Variants in SPAG9 observed in about 807,000 individuals in gnomAD.
SPAG9 encodes sperm associated antigen 9.
A neutral mutation model predicts 166.5 loss-of-function variants in SPAG9; 35 were observed. The observed-to-expected ratio is 0.21, with a 90% confidence interval of 0.16 to 0.28. SPAG9 has a LOEUF of 0.28. Ranked by LOEUF, SPAG9 falls within the 10% of genes least tolerant of loss-of-function variation. The pLI is 1.00. For synonymous variants in SPAG9, 534 were observed against 565.5 expected (o/e 0.94, Z 0.79); for missense variants, 1,235 against 1,603.3 (o/e 0.77, Z 3.92).
rs375400352 is a variant in SPAG9 at position 50,990,492 on chromosome 17, G to T, written c.2575C>A (p.Pro859Thr). ...AEGVTGAATS[P>T]STNGASPVMD... The stretch of plus-strand genomic sequence containing the variant: ...ACTGGAGAAGCACCATTTGTACTAG[G>T]GGAAGTGGCAGCTCCCGTCACACCT... The change falls in exon 20 of 30, where the codon CCT (proline) becomes ACT (threonine). Residue 859 changes from proline (P) to threonine (T), a missense_variant. Pro to Thr is a conservative substitution (Grantham distance 38). This residue lies in a region of SPAG9 where 493 missense variants were observed against 559.4 expected (regional missense o/e 0.88). Coordinates refer to ENST00000262013, the MANE Select transcript of SPAG9 (RefSeq NM_001130528.3). 6.2e-7 allele frequency: 1 copy of T among 1,614,166 alleles called. No homozygotes were observed. The highest frequency in any genetic ancestry group is 1.3e-5 in the African/African-American group (1 of 75,046).
intron 19 of SPAG9, among the ~76,000 whole-genome samples, chr17:50,992,480 G>C (rs895332540): frequency 5.3e-5 from 8 of 152,068 alleles, no homozygotes; most frequent in Admixed American, 2.6e-4. Context: ...AGACCAGCCT[G>C]GGCAACATGG....
intron 28 of SPAG9, among the ~76,000 whole-genome samples, chr17:50,972,940 A>G (rs1973936952): frequency 6.6e-6 from 1 of 152,228 alleles, no homozygotes; most frequent in Admixed American, 6.5e-5. Flanking sequence ...ATTTATACCC[A>G]ACAAAAAATC....
intron 8 of SPAG9, among the ~76,000 whole-genome samples, chr17:51,015,317 T>A (rs923062403): frequency 1.3e-5 from 2 of 151,790 alleles, no homozygotes; most frequent in Non-Finnish European, 2.9e-5. Flanking sequence ...GGGAGGAACA[T>A]GAAACAGAAG....
At position 51,001,719 on chromosome 17, in the gene SPAG9, T is replaced by C; in HGVS notation, c.1603A>G (p.Ile535Val). 6.2e-7 allele frequency: 1 copy of C among 1,604,010 alleles called. No homozygotes were observed. The highest frequency in any genetic ancestry group is 1.1e-5 in the South Asian group (1 of 88,764). Residue 535 changes from isoleucine (I) to valine (V), a missense_variant, in exon 13 of 30, where the codon ATT becomes GTT. Transcript: ENST00000262013. ...LQEAVRWTEM[I>V]RASRENPAMQ... is the part of the protein sequence containing the mutation. ...TGGAGCGCTTGTCATACAAACCGAA[T>C]CATCTCTGTCCATCGAACAGCTTCC...
At chr17:51,004,708 T>C (rs985863895) in intron 12 of SPAG9, among the ~76,000 whole-genome samples, 2 of 152,046 alleles carry the variant, frequency 1.3e-5, no homozygotes, top group South Asian at 2.1e-4. Flanking sequence ...CCAGCCTCGG[T>C]GACAGACTGA....
intron 19 of SPAG9, among the ~76,000 whole-genome samples, chr17:50,993,334 A>AG (rs1567973103): frequency 6.0e-5 from 9 of 151,176 alleles, no homozygotes. Flanking sequence ...AAAAAAAAAA[A>AG]AAGTAGAACT....
chr17:50,977,364 A>C, intron 26 of SPAG9, 143 bp from the exon 27 acceptor site: 1 of 632,776 alleles, frequency 1.6e-6, no homozygotes. Flanking sequence ...ACACAGAGGA[A>C]ATGTGACTAG....
intron 9 of SPAG9, among the ~76,000 whole-genome samples, chr17:51,012,876 C>A (rs1169798724): frequency 6.6e-6 from 1 of 151,534 alleles, no homozygotes; most frequent in Non-Finnish European, 1.5e-5. Flanking sequence ...GCCTCCCAAG[C>A]AGCTGAACTA....
rs200392575 is a variant in SPAG9 at position 50,989,800 on chromosome 17, C to T, written c.2690G>A (p.Gly897Glu). Reference sequence around the variant, plus strand: ...TGTGTCTTCAGCTGACCCCGCATTCCCTTCTGTAGCTTCAGTTGCTTCTTC... The same window carrying T: ...TGTGTCTTCAGCTGACCCCGCATTCTCTTCTGTAGCTTCAGTTGCTTCTTC... ...TAEEATEATE[G>E]NAGSAEDTVD... Residue 897 changes from glycine (G) to glutamate (E), a missense_variant, in exon 21 of 30, where the codon GGG becomes GAG. Physicochemically the swap from Gly to Glu is moderately conservative, Grantham distance 98. Transcript: ENST00000262013. 5.6e-5 allele frequency: 91 copies of T among 1,614,020 alleles called. No individual in the cohort carries two copies. The highest frequency in any genetic ancestry group is 1.5e-4 in the Admixed American group (9 of 60,002).
chr17:50,999,827 C>A, intron 13 of SPAG9, 110 bp from the exon 14 acceptor site: 1 of 760,208 alleles, frequency 1.3e-6, no homozygotes, highest in South Asian at 1.6e-5. Flanking sequence ...GGGGAGTCAA[C>A]AATTAAGTTC....
At chr17:50,987,896 C>T (rs1975184943) in intron 21 of SPAG9, among the ~76,000 whole-genome samples, 1 of 152,188 alleles carries the variant, frequency 6.6e-6, no homozygotes, top group Admixed American at 6.6e-5. Context: ...ACCAGGCTAT[C>T]AAATTCAAAC....
chr17:51,028,080 ATTT>A (rs375673920), intron 6 of SPAG9, among the ~76,000 whole-genome samples: 3 of 150,900 alleles, frequency 2.0e-5, no homozygotes, highest in Non-Finnish European at 4.4e-5. Context: ...AAAAAAAAAA[ATTT>A]TTTTTAAATA....
intron 25 of SPAG9, among the ~76,000 whole-genome samples, chr17:50,981,683 C>A (rs1179364005): frequency 2.7e-5 from 4 of 150,922 alleles, no homozygotes; most frequent in Non-Finnish European, 4.4e-5. Flanking sequence ...TTTTTGTCCC[C>A]CTAAACAATT....
chr17:50,996,527 C>T (rs761971257), intron 16 of SPAG9, 38 bp downstream of exon 16: 1 of 1,613,108 alleles, frequency 6.2e-7, no homozygotes. Context: ...TTGCCCTCTT[C>T]TTTCCTGCTG....
intron 1 of SPAG9, among the ~76,000 whole-genome samples, chr17:51,113,242 A>G (rs1432541799): frequency 6.6e-6 from 1 of 151,190 alleles, no homozygotes; most frequent in African/African-American, 2.4e-5. Flanking sequence ...AATCCCAGCT[A>G]CTCAGGAGGC....
chr17:51,074,255 A>G (rs1598131057), intron 2 of SPAG9, among the ~76,000 whole-genome samples: 2 of 150,808 alleles, frequency 1.3e-5, no homozygotes, highest in East Asian at 3.9e-4. Flanking sequence ...AAAACAAAAC[A>G]AAACAAAAAA....
At chr17:51,054,500 G>C (rs2047305411) in intron 3 of SPAG9, among the ~76,000 whole-genome samples, 1 of 151,210 alleles carries the variant, frequency 6.6e-6, no homozygotes, top group Non-Finnish European at 1.5e-5. Context: ...GCAGTGGCGT[G>C]ATCTCGGCTC....
At position 50,965,256 on chromosome 17, in the gene SPAG9, C is replaced by T. The variant is rs555258194; in HGVS notation, c.*1016G>A. The T allele has an allele frequency of 1.3e-5, 2 of 152,134 alleles. No individual in the cohort carries two copies. The highest frequency in any genetic ancestry group is 2.1e-4 in the South Asian group (1 of 4,834). 9.4% of individuals were successfully genotyped at this position (152,134 alleles called of 1,614,324 possible). On this transcript the variant is annotated 3_prime_UTR_variant, in exon 30 of 30. Coordinates refer to ENST00000262013, the MANE Select transcript of SPAG9 (RefSeq NM_001130528.3). The stretch of plus-strand genomic sequence containing the variant: ...TATATAGCTGTTCTGCAGTTTGATA[C>T]AGAACAAAAGAAAATAACTTTTCTA...
chr17:50,990,760 T>G lies in SPAG9; in HGVS notation c.2399-92A>C. ...AATTACAGGTTTGAAATGAGAGTTA[T>G]GCAGGTGAGATGTACAGGTAGTTGA... On this transcript the variant is annotated intron_variant, in intron 19 of 29. Coordinates refer to ENST00000262013, the MANE Select transcript of SPAG9 (RefSeq NM_001130528.3). 3 of 978,190 alleles carry G rather than the reference T, an allele frequency of 3.1e-6. No individual in the cohort carries two copies. In the South Asian group the frequency reaches 4.5e-5, roughly 15 times the overall value. 60.6% of individuals were successfully genotyped at this position (978,190 alleles called of 1,614,324 possible). A position where few individuals can be genotyped will look rare whatever the true frequency, so the allele number is the denominator to read the frequency against.
Sources: gnomAD v4.1 joint callset for allele counts (sites outside exome capture counted in the v4.1 genomes callset) on GRCh38, gnomAD v4.1.1 for gene constraint, gnomAD v4.1.1 regional missense constraint, MANE v1.5 for transcripts, NCBI Gene and HGNC (gene_info 2026-07-23, HGNC 2026-07-21) for gene names.